USP34: variants seen among roughly 807,000 people sequenced by gnomAD.
The protein encoded by USP34 is ubiquitin carboxyl-terminal hydrolase 34.
USP34 carries 70 observed loss-of-function variants against 460.3 expected under a neutral mutation model. The observed-to-expected ratio is 0.15, with a 90% CI of 0.13 to 0.19. The LOEUF is 0.19. Ranked by LOEUF, USP34 falls within the 10% of genes least tolerant of loss-of-function variation. The pLI is 1.00. For synonymous variants in USP34, 1,647 were observed against 1,405.3 expected, an observed-to-expected ratio of 1.17 and a Z score of -3.85; for missense variants, 3,985 against 4,236.2, an observed-to-expected ratio of 0.94 and a Z score of 1.65.
At chr2:61,446,943 T>C (rs957025396) in intron 1 of USP34, among the ~76,000 whole-genome samples, 4 of 152,000 alleles carry the variant, frequency 2.6e-5, no homozygotes, top group African/African-American at 9.7e-5. Context: ...GTTGACACAT[T>C]TCATTACACA....
rs140621952 is a variant in USP34, at chr2:61,439,657, G to A, written c.44-18824C>T. On this transcript the variant is annotated intron_variant, in intron 1 of 79. Transcript: ENST00000398571. ...CCAAGAAGGCAGCATGGCAGCCCCC[G>A]TGGAGCACAAGTGGCCCACACCTGA... Among the ~76,000 whole-genome samples the A allele has an allele frequency of 5.7e-4, 87 of 152,238 alleles. No individual in the cohort carries two copies. In the Middle Eastern group the frequency reaches 0.017, roughly 30 times the overall value.
chr2:61,272,590 T>C (rs552724823), intron 41 of USP34, among the ~76,000 whole-genome samples: 1 of 152,126 alleles, frequency 6.6e-6, no homozygotes, highest in Non-Finnish European at 1.5e-5. Context: ...ATCCCTTGAC[T>C]CATACATTTG....
At position 61,245,235 on chromosome 2, in the gene USP34, G is replaced by C; in HGVS notation, c.6602C>G (p.Ser2201Cys). ...VKPFDSAQLA[S>C]ECFGGEMTTK... ...CGTCATCTCTCCACCAAAACATTCAGATGCAAGTTGAGCAGAATCAAAAGG... is the reference window on the plus strand; with the variant it reads ...CGTCATCTCTCCACCAAAACATTCACATGCAAGTTGAGCAGAATCAAAAGG... Residue 2201 changes from serine (S) to cysteine (C), a missense_variant, in exon 51 of 80, where the codon TCT (serine) becomes TGT (cysteine). By Grantham distance (112) the Ser-to-Cys change is moderately radical (BLOSUM62 -1). Around this residue, in one of 14 missense-constraint regions of USP34, gnomAD observed 11 missense variants for 37.7 expected, o/e 0.29. Transcript: ENST00000398571. The C allele has an allele frequency of 6.2e-7, 1 of 1,610,008 alleles. No individual in the cohort carries two copies. Among genetic ancestry groups the C allele is most frequent in the Non-Finnish European group, 8.5e-7 (1 of 1,178,168 alleles).
At chr2:61,312,990 T>C (rs1690640536) in intron 25 of USP34, among the ~76,000 whole-genome samples, 1 of 152,178 alleles carries the variant, frequency 6.6e-6, no homozygotes, top group Non-Finnish European at 1.5e-5. Context: ...AATTATATTT[T>C]CAATCTACAG....
intron 49 of USP34, among the ~76,000 whole-genome samples, chr2:61,247,314 T>G (rs910663309): frequency 1.3e-5 from 2 of 152,096 alleles, no homozygotes; most frequent in Non-Finnish European, 2.9e-5. Context: ...AAGAGATAAT[T>G]AGGTCAGTAA....
Position 61,360,578 on chromosome 2 carries a change from T to C in USP34, c.1251+9743A>G, listed in dbSNP as rs562160568. 3.9e-5 allele frequency among the ~76,000 whole-genome samples: 6 copies of C among 152,328 alleles called. No homozygotes were observed. In the South Asian group the frequency reaches 1.0e-3, roughly 26 times the overall value. The stretch of plus-strand genomic sequence containing the variant: ...TAAATAAAAAGACATTCCATATTCA[T>C]GCACTGAAGGAAAAATATCATTAAA... On this transcript the variant is annotated intron_variant, in intron 10 of 79. Coordinates refer to ENST00000398571, the MANE Select transcript of USP34 (RefSeq NM_014709.4).
At chr2:61,263,773 C>T (rs1233010957) in intron 43 of USP34, among the ~76,000 whole-genome samples, 4 of 152,320 alleles carry the variant, frequency 2.6e-5, no homozygotes, top group East Asian at 1.9e-4. Flanking sequence ...TGAGCCACCA[C>T]ACCCCACACG....
intron 2 of USP34, among the ~76,000 whole-genome samples, chr2:61,413,259 T>C (rs969797832): frequency 5.3e-5 from 8 of 152,008 alleles, no homozygotes; most frequent in Admixed American, 5.2e-4. Context: ...CTGGGTGTGG[T>C]GGCATGTGCC....
At chr2:61,235,398 T>C (rs1232096190) in intron 57 of USP34, among the ~76,000 whole-genome samples, 1 of 149,606 alleles carries the variant, frequency 6.7e-6, no homozygotes, top group African/African-American at 2.5e-5. Context: ...CAATCTCAGC[T>C]CACTACAACC....
chr2:61,420,234 T>C (rs970618318), intron 2 of USP34, among the ~76,000 whole-genome samples: 1 of 152,244 alleles, frequency 6.6e-6, no homozygotes, highest in Non-Finnish European at 1.5e-5. Context: ...AAAGACTAGT[T>C]AAAATCACAT....
chr2:61,278,526 T>G lies in USP34; in HGVS notation c.5257-83A>C, dbSNP rs147515160. 98 of 1,080,190 alleles carry G rather than the reference T, an allele frequency of 9.1e-5. No homozygotes were observed. In the African/African-American group the frequency reaches 1.4e-3, roughly 15 times the overall value. 66.9% of individuals were successfully genotyped at this position (1,080,190 alleles called of 1,614,324 possible). A position where few individuals can be genotyped will look rare whatever the true frequency, so the allele number is the denominator to read the frequency against. On this transcript the variant is annotated intron_variant, in intron 39 of 79. Coordinates refer to ENST00000398571, the MANE Select transcript of USP34 (RefSeq NM_014709.4). The stretch of plus-strand genomic sequence containing the variant: ...TAAAATTATTAAAATCATTTCCTTA[T>G]AGGTAACAATAATTTAGTTCTCCCA...
At chr2:61,251,242 A>T (rs1449109789) in intron 48 of USP34, among the ~76,000 whole-genome samples, 2 of 152,222 alleles carry the variant, frequency 1.3e-5, no homozygotes, top group South Asian at 4.1e-4. Flanking sequence ...GAATACAAAC[A>T]ATTTTACTAG....
chr2:61,405,304 A>C (rs1372586860), intron 3 of USP34, among the ~76,000 whole-genome samples: 3 of 151,926 alleles, frequency 2.0e-5, no homozygotes, highest in African/African-American at 7.2e-5. Context: ...TGAAACTACT[A>C]ATCACAGATA....
At chr2:61,437,307 A>T (rs569724487) in intron 1 of USP34, among the ~76,000 whole-genome samples, 1 of 152,284 alleles carries the variant, frequency 6.6e-6, no homozygotes, top group East Asian at 1.9e-4. Flanking sequence ...AAAAAGAGAC[A>T]AGACCCAAAT....
intron 1 of USP34, 46 bp from the exon 2 acceptor site, chr2:61,420,879 G>A (rs1158362315): frequency 7.1e-6 from 10 of 1,412,586 alleles, no homozygotes; most frequent in Non-Finnish European, 9.8e-6. Context: ...TGCTAAACCA[G>A]TATTAAAGCC....
At chr2:61,388,967 C>T (rs1693257344) in intron 5 of USP34, among the ~76,000 whole-genome samples, 1 of 151,590 alleles carries the variant, frequency 6.6e-6, no homozygotes, top group African/African-American at 2.4e-5. Context: ...GATAATTCAA[C>T]AATAAAAATG....
chr2:61,345,504 A>C (rs1222284697), intron 15 of USP34, among the ~76,000 whole-genome samples: 1 of 152,230 alleles, frequency 6.6e-6, no homozygotes, highest in Admixed American at 6.5e-5. Context: ...GATTCACCAT[A>C]AACTCACATA....
Position 61,382,667 on chromosome 2 carries a change from T to C in USP34, c.821+602A>G, listed in dbSNP as rs577666305. On this transcript the variant is annotated intron_variant, in intron 6 of 79. Coordinates refer to ENST00000398571, the MANE Select transcript of USP34 (RefSeq NM_014709.4). ...ATAAATGTTATCAAGAAATAAAATA[T>C]GCAGAATCCTGACAGTTCATACTTT... Among the ~76,000 whole-genome samples, 226 of 152,354 alleles carry C rather than the reference T, an allele frequency of 1.5e-3. 1 individual carries two copies. Among genetic ancestry groups the C allele is most frequent in the Middle Eastern group, 3.4e-3 (1 of 294 alleles).
intron 10 of USP34, among the ~76,000 whole-genome samples, chr2:61,363,823 G>T (rs911006023): frequency 6.8e-6 from 1 of 147,528 alleles, no homozygotes; most frequent in Non-Finnish European, 1.5e-5. Flanking sequence ...ACTGATGGAT[G>T]AATAAAATGC....
Sources: gnomAD v4.1 joint callset for allele counts (sites outside exome capture counted in the v4.1 genomes callset) on GRCh38, gnomAD v4.1.1 for gene constraint, gnomAD v4.1.1 regional missense constraint, MANE v1.5 for transcripts, NCBI Gene and HGNC (gene_info 2026-07-23, HGNC 2026-07-21) for gene names.